The following BCL2 variants were observed in gnomAD, a reference collection of about 807,000 sequenced individuals.
BCL2 encodes the protein BCL2 apoptosis regulator, also known as apoptosis regulator Bcl-2.
Under a neutral mutation model 14.2 loss-of-function variants are expected in BCL2, and 1 was observed. The ratio of observed to expected loss-of-function variants is 0.07; its 90% CI spans 0.02 to 0.33. The LOEUF (loss-of-function observed/expected upper bound fraction) is 0.33. BCL2 is among the 10% of genes least tolerant of loss of function. The probability of loss-of-function intolerance (pLI) is 0.99; values close to 1 mark genes in which losing one functional copy is unlikely to be tolerated. For missense variants in BCL2, 247 were observed against 305.9 expected, an observed-to-expected ratio of 0.81 and a Z score of 1.44; for synonymous variants, 151 against 137.2, an observed-to-expected ratio of 1.10 and a Z score of -0.70.
intron 2 of BCL2, among the ~76,000 whole-genome samples, chr18:63,262,371 C>T (rs1042261185): frequency 7.2e-5 from 11 of 152,254 alleles, no homozygotes; most frequent in African/African-American, 9.6e-5. Flanking sequence ...AATGTGCAAA[C>T]GTGTGTGGTA....
rs139942206 is a variant in BCL2, at chr18:63,159,366, C to T, written c.586-30607G>A. Among the ~76,000 whole-genome samples the T allele has an allele frequency of 3.1e-3, 469 of 152,316 alleles. 8 individuals are homozygous for T. The highest frequency in any genetic ancestry group is 0.01 in the Middle Eastern group (3 of 294). On this transcript the variant is annotated intron_variant, in intron 2 of 2. Coordinates refer to ENST00000333681, the MANE Select transcript of BCL2 (RefSeq NM_000633.3). ...TTAACTCTGTTTTCTTAATTTCACA[C>T]GAACATCACTGCGTCTGGAGTCTAT...
chr18:63,302,414 G>A, intron 2 of BCL2: 2 of 985,350 alleles, frequency 2.0e-6, no homozygotes, highest in Non-Finnish European at 2.4e-6. Flanking sequence ...GGTGAACTCT[G>A]TCTTGCTTAA....
chr18:63,218,276 C>T (rs946816307), intron 2 of BCL2, among the ~76,000 whole-genome samples: 2 of 152,076 alleles, frequency 1.3e-5, no homozygotes, highest in Non-Finnish European at 2.9e-5. Context: ...TGGTGTGCCA[C>T]CTAACTAACA....
intron 2 of BCL2, among the ~76,000 whole-genome samples, chr18:63,308,570 T>C (rs1440748189): frequency 6.6e-6 from 1 of 152,246 alleles, no homozygotes; most frequent in Non-Finnish European, 1.5e-5. Context: ...CTGGTATCTA[T>C]ATTAGCATTA....
At chr18:63,147,165 G>A (rs926171221) in intron 2 of BCL2, among the ~76,000 whole-genome samples, 7 of 152,112 alleles carry the variant, frequency 4.6e-5, no homozygotes, top group African/African-American at 1.2e-4. Context: ...TCTGAGTGTC[G>A]ACGCACCCTT....
intron 2 of BCL2, among the ~76,000 whole-genome samples, chr18:63,225,333 A>G (rs1910515384): frequency 6.6e-6 from 1 of 152,192 alleles, no homozygotes; most frequent in Non-Finnish European, 1.5e-5. Flanking sequence ...AGACAGGTAA[A>G]TTTTTATCTA....
In BCL2 at chr18:63,279,678, A is replaced by G. The variant is rs151240734; in HGVS notation, c.585+38404T>C. 2.2e-3 allele frequency among the ~76,000 whole-genome samples: 328 copies of G among 152,358 alleles called. 1 individual carries two copies. Among genetic ancestry groups the G allele is most frequent in the African/African-American group, 7.6e-3 (317 of 41,580 alleles). ...ACAGCAGCATTATATATCATAACAA[A>G]AACAACAGGATGAATAAATACAGTG... On this transcript the variant is annotated intron_variant, in intron 2 of 2. Coordinates refer to ENST00000333681, the MANE Select transcript of BCL2 (RefSeq NM_000633.3).
chr18:63,176,824 T>G (rs539325243), intron 2 of BCL2, among the ~76,000 whole-genome samples: 1 of 152,326 alleles, frequency 6.6e-6, no homozygotes, highest in Admixed American at 6.5e-5. Flanking sequence ...ACACAATAAC[T>G]TATTCCTTCA....
In BCL2 at chr18:63,318,407, C is replaced by T. The variant is rs2144323867; in HGVS notation, c.260G>A (p.Ser87Asn). ...CAGGTGGACCACAGGTGGCACCGGG[C>T]TGAGCGCAGGCCCCGCGGCGGCGCC... ...APGAAAGPAL[S>N]PVPPVVHLTL... Residue 87 changes from serine (S) to asparagine (N), a missense_variant, in exon 2 of 3, where the codon AGC becomes AAC. Ser to Asn is a conservative substitution (Grantham distance 46). Coordinates refer to ENST00000333681, the MANE Select transcript of BCL2 (RefSeq NM_000633.3). The surrounding 1 kb of genome is among the most constrained non-coding windows in gnomAD (Gnocchi z 7.4). 1 of 1,539,714 alleles carries T rather than the reference C, an allele frequency of 6.5e-7. No homozygotes were observed. The highest frequency in any genetic ancestry group is 8.7e-7 in the Non-Finnish European group (1 of 1,149,062).
chr18:63,275,685 C>A (rs1184825813), intron 2 of BCL2, among the ~76,000 whole-genome samples: 1 of 152,234 alleles, frequency 6.6e-6, no homozygotes, highest in African/African-American at 2.4e-5. Context: ...CCAATTATCT[C>A]TCTACTGTCT....
intron 2 of BCL2, chr18:63,313,815 T>TTTTTTA (rs1181902310): frequency 6.6e-6 from 1 of 152,198 alleles, no homozygotes; most frequent in Non-Finnish European, 1.5e-5. Flanking sequence ...TGCTTGCCTT[T>TTTTTTA]TTTTTATTTT....
rs998762904 is a variant in BCL2, at chr18:63,127,464, C to T, written c.*1161G>A. On this transcript the variant is annotated 3_prime_UTR_variant, in exon 3 of 3. Coordinates refer to ENST00000333681, the MANE Select transcript of BCL2 (RefSeq NM_000633.3). ...CGTGAAAACGGGCCTACCTGGAGGG[C>T]CCCAGGGTGACAGGCCCAGCCACAC... The T allele has an allele frequency of 5.1e-5, 12 of 233,654 alleles. No homozygotes were observed. Among genetic ancestry groups the T allele is most frequent in the Non-Finnish European group, 9.3e-5 (11 of 118,396 alleles). The allele number at this position is 233,654 out of a possible 1,614,324, so 14.5% of individuals were successfully genotyped here. A position where few individuals can be genotyped will look rare whatever the true frequency, so the allele number is the denominator to read the frequency against.
At chr18:63,261,725 T>C (rs1243695566) in intron 2 of BCL2, among the ~76,000 whole-genome samples, 10 of 152,158 alleles carry the variant, frequency 6.6e-5, no homozygotes, top group Non-Finnish European at 1.3e-4. Context: ...ACTGAATTTG[T>C]ATAATATTGG....
At chr18:63,217,681 C>T (rs187244755) in intron 2 of BCL2, among the ~76,000 whole-genome samples, 32 of 152,348 alleles carry the variant, frequency 2.1e-4, no homozygotes, top group Admixed American at 2.0e-3. Flanking sequence ...TTTCCACTAA[C>T]TGGCCACGTG....
intron 2 of BCL2, among the ~76,000 whole-genome samples, chr18:63,174,496 A>G (rs749151378): frequency 4.6e-5 from 7 of 152,198 alleles, no homozygotes; most frequent in Non-Finnish European, 7.3e-5. Context: ...AGACCCAAGT[A>G]AAAAATGGTA....
At chr18:63,295,108 G>A (rs1009834686) in intron 2 of BCL2, among the ~76,000 whole-genome samples, 4 of 151,868 alleles carry the variant, frequency 2.6e-5, no homozygotes, top group Non-Finnish European at 4.4e-5. Context: ...AGGTTGCAGT[G>A]AGCCGAGATT....
At chr18:63,137,158 TCTC>T (rs1914228610) in intron 2 of BCL2, among the ~76,000 whole-genome samples, 1 of 152,332 alleles carries the variant, frequency 6.6e-6, no homozygotes, top group Non-Finnish European at 1.5e-5. Context: ...CCAACCTAGT[TCTC>T]CTGCTCAGCT....
chr18:63,281,666 C>CAGAAAGAAAGAA lies in BCL2; in HGVS notation c.585+36404_585+36415dup, dbSNP rs11271898. Among the ~76,000 whole-genome samples the CAGAAAGAAAGAA allele has an allele frequency of 9.1e-3, 806 of 88,338 alleles. 4 individuals carry two copies. Among genetic ancestry groups the CAGAAAGAAAGAA allele is most frequent in the East Asian group, 0.017 (56 of 3,284 alleles). The allele number at this position is 88,338 out of a possible 152,430, so 58.0% of individuals were successfully genotyped here. On this transcript the variant is annotated intron_variant, in intron 2 of 2. Coordinates refer to ENST00000333681, the MANE Select transcript of BCL2 (RefSeq NM_000633.3). ...TGAGTGACAAATTGAGACCTTGTCT[C>CAGAAAGAAAGAA]AGAAAGAAAGAAAGAAAGAAAGAAA...
rs113461078 is a variant in BCL2 at position 63,159,548 on chromosome 18, C to T, written c.586-30789G>A. Among the ~76,000 whole-genome samples the T allele has an allele frequency of 2.0e-3, 302 of 152,236 alleles. 1 individual carries two copies. The highest frequency in any genetic ancestry group is 7.0e-3 in the African/African-American group (292 of 41,540). On this transcript the variant is annotated intron_variant, in intron 2 of 2. Transcript: ENST00000333681. ...TCCATTTTTACAAATGCATTTAGGG[C>T]CAAATGCACTGGCTAATTTTGATAG...
Sources: gnomAD v4.1 joint callset for allele counts (sites outside exome capture counted in the v4.1 genomes callset) on GRCh38, gnomAD v4.1.1 for gene constraint, Gnocchi (gnomAD v3.1) non-coding constraint, MANE v1.5 for transcripts, NCBI Gene and HGNC (gene_info 2026-07-23, HGNC 2026-07-21) for gene names.